The following FGD4 variants were observed in gnomAD, a reference collection of about 807,000 sequenced individuals.
FGD4 encodes the protein FYVE, RhoGEF and PH domain containing 4, also known as FYVE, RhoGEF and PH domain-containing protein 4.
A neutral mutation model predicts 102.0 loss-of-function variants in FGD4; 42 were observed. The observed-to-expected ratio is 0.41, with a 90% CI of 0.32 to 0.53. The LOEUF is 0.53. FGD4 is among the 20% of genes least tolerant of loss of function. FGD4 has a pLI of 0.21. For missense variants in FGD4, 902 were observed against 1,078.2 expected, an observed-to-expected ratio of 0.84 and a Z score of 2.29; for synonymous variants, 380 against 375.7, an observed-to-expected ratio of 1.01 and a Z score of -0.13.
intron 1 of FGD4, among the ~76,000 whole-genome samples, chr12:32,538,646 G>A (rs2136112280): frequency 6.6e-6 from 1 of 152,266 alleles, no homozygotes; most frequent in Middle Eastern, 3.4e-3. Context: ...TAATTAATGG[G>A]CTGTGTCGTA....
intron 1 of FGD4, among the ~76,000 whole-genome samples, chr12:32,431,274 A>G (rs1942033285): frequency 6.6e-6 from 1 of 152,152 alleles, no homozygotes; most frequent in Non-Finnish European, 1.5e-5. Context: ...AACTTCCGGG[A>G]AAATTATATT....
At chr12:32,537,428 A>G (rs1367485800) in intron 1 of FGD4, among the ~76,000 whole-genome samples, 2 of 152,064 alleles carry the variant, frequency 1.3e-5, no homozygotes, top group African/African-American at 4.8e-5. Flanking sequence ...CCTGGAGTCC[A>G]TTGTCTACCT....
chr12:32,526,921 T>C (rs1941297437), intron 1 of FGD4, among the ~76,000 whole-genome samples: 2 of 152,170 alleles, frequency 1.3e-5, no homozygotes, highest in South Asian at 4.1e-4. Flanking sequence ...AACTCAGATA[T>C]AGTATTACGT....
At position 32,624,428 on chromosome 12, in the gene FGD4, G is replaced by A. The variant is rs11052110; in HGVS notation, c.1929G>A (p.Ala643=). ...ERTLELQASS[A]QDKEEWIKAL... is the part of the protein sequence containing the mutation. ...TAATTTTGTTTTATTTTAGTTCTGC[G>A]CAAGACAAAGAAGAATGGATCAAGG... The change falls in exon 12 of 17, where the codon GCG becomes GCA. Residue 643 remains alanine (A), a synonymous_variant. Transcript: ENST00000534526. The A allele has an allele frequency of 0.29, 459,970 of 1,587,558 alleles. 69,405 individuals carry two copies. The highest frequency in any genetic ancestry group is 0.41 in the South Asian group (36,699 of 89,830).
intron 1 of FGD4, among the ~76,000 whole-genome samples, chr12:32,426,591 G>T (rs373011662): frequency 3.3e-5 from 5 of 152,154 alleles, no homozygotes; most frequent in South Asian, 2.1e-4. Context: ...AATGAGTTAG[G>T]GGGGATTCCC....
At chr12:32,554,031 G>A (rs1943904465) in intron 1 of FGD4, among the ~76,000 whole-genome samples, 1 of 152,204 alleles carries the variant, frequency 6.6e-6, no homozygotes, top group Admixed American at 6.5e-5. Context: ...TGAGGCTGCA[G>A]TGAGTTGTGA....
At chr12:32,543,235 A>G (rs1050369877) in intron 1 of FGD4, among the ~76,000 whole-genome samples, 1 of 152,188 alleles carries the variant, frequency 6.6e-6, no homozygotes. Context: ...AGATTAATAC[A>G]TAAGGTGAGG....
intron 1 of FGD4, among the ~76,000 whole-genome samples, chr12:32,552,574 T>C (rs1362940129): frequency 2.0e-5 from 3 of 149,078 alleles, no homozygotes; most frequent in African/African-American, 7.3e-5. Flanking sequence ...GAACCACCAC[T>C]CTCGGCTTTA....
At chr12:32,478,035 G>A (rs1416846378) in intron 1 of FGD4, among the ~76,000 whole-genome samples, 1 of 152,066 alleles carries the variant, frequency 6.6e-6, no homozygotes, top group Non-Finnish European at 1.5e-5. Flanking sequence ...TTGGAGTTCT[G>A]TTTAGAAAAA....
chr12:32,504,287 C>A (rs1157822052), intron 1 of FGD4, among the ~76,000 whole-genome samples: 2 of 152,122 alleles, frequency 1.3e-5, no homozygotes. Context: ...GAGTGGGCAG[C>A]AGGGACAGTC....
At chr12:32,632,248 C>T (rs1950535624) in intron 14 of FGD4, among the ~76,000 whole-genome samples, 1 of 152,150 alleles carries the variant, frequency 6.6e-6, no homozygotes, top group Non-Finnish European at 1.5e-5. Flanking sequence ...TACACATTTG[C>T]ATCATATTCA....
chr12:32,522,812 C>T (rs867824781), intron 1 of FGD4, among the ~76,000 whole-genome samples: 33 of 152,204 alleles, frequency 2.2e-4, no homozygotes, highest in Admixed American at 1.3e-4. Flanking sequence ...ATTGAGATTG[C>T]GTTCTAAGTG....
At position 32,640,832 on chromosome 12, in the gene FGD4, G is replaced by C; in HGVS notation, c.*299G>C. ...AATTGATTCTGTCACCGTCAGGTTA[G>C]AATGAGCACTTCCATTTAAGAAATC... On this transcript the variant is annotated 3_prime_UTR_variant, in exon 17 of 17. Transcript: ENST00000534526. 1.7e-6 allele frequency: 1 copy of C among 584,490 alleles called. No homozygotes were observed. Among genetic ancestry groups the C allele is most frequent in the Non-Finnish European group, 3.0e-6 (1 of 330,076 alleles). The allele number at this position is 584,490 out of a possible 1,614,324, so 36.2% of individuals were successfully genotyped here.
In FGD4 at chr12:32,570,529, C is replaced by T. The variant is rs868475418; in HGVS notation, c.320-5737C>T. 3.3e-5 allele frequency among the ~76,000 whole-genome samples: 5 copies of T among 152,056 alleles called. No homozygotes were observed. In the Middle Eastern group the frequency reaches 0.017, roughly 517 times the overall value. On this transcript the variant is annotated intron_variant, in intron 2 of 16. Coordinates refer to ENST00000534526, the MANE Select transcript of FGD4 (RefSeq NM_001370298.3). ...TGATCTCAGCTCACAGCAACCTCCA[C>T]CTCCCAGGTTCAAGCGATTCTCCTG...
intron 14 of FGD4, among the ~76,000 whole-genome samples, chr12:32,633,237 C>T (rs1449017331): frequency 6.6e-6 from 1 of 151,746 alleles, no homozygotes; most frequent in African/African-American, 2.4e-5. Flanking sequence ...GTGGGATGGG[C>T]TAAGAGAGAC....
At chr12:32,636,420 C>T (rs1388019498) in intron 15 of FGD4, among the ~76,000 whole-genome samples, 1 of 152,004 alleles carries the variant, frequency 6.6e-6, no homozygotes, top group Admixed American at 6.6e-5. Flanking sequence ...GTAATCCCAG[C>T]TACTTGGGAG....
chr12:32,576,885 G>A (rs1437656658), intron 3 of FGD4, among the ~76,000 whole-genome samples: 1 of 151,814 alleles, frequency 6.6e-6, no homozygotes, highest in Non-Finnish European at 1.5e-5. Flanking sequence ...CTCCTCCCTG[G>A]GGCCCTCTCT....
intron 1 of FGD4, among the ~76,000 whole-genome samples, chr12:32,543,693 C>T (rs1943017267): frequency 6.6e-6 from 1 of 152,190 alleles, no homozygotes; most frequent in Non-Finnish European, 1.5e-5. Flanking sequence ...GTGGTGCAAT[C>T]TCAGCTCACT....
chr12:32,526,058 C>T (rs1382961273), intron 1 of FGD4, among the ~76,000 whole-genome samples: 6 of 152,238 alleles, frequency 3.9e-5, no homozygotes, highest in East Asian at 1.9e-4. Context: ...GGAATGCGAG[C>T]GCAGGGGGCA....
Sources: gnomAD v4.1 joint callset for allele counts (sites outside exome capture counted in the v4.1 genomes callset) on GRCh38, gnomAD v4.1.1 for gene constraint, MANE v1.5 for transcripts, NCBI Gene and HGNC (gene_info 2026-07-23, HGNC 2026-07-21) for gene names.